Variants in LYPD6B observed in about 807,000 individuals in gnomAD.
The protein encoded by LYPD6B is ly6/PLAUR domain-containing protein 6B.
LYPD6B carries 17 observed loss-of-function variants against 22.8 expected under a neutral mutation model. That is an observed-to-expected ratio of 0.75 (90% confidence interval 0.51 to 1.12). The LOEUF is 1.12. LYPD6B is among the 50% of genes most tolerant of loss of function. The probability of loss-of-function intolerance (pLI) is 0.00; values close to 1 mark genes in which losing one functional copy is unlikely to be tolerated. For synonymous variants in LYPD6B, 106 were observed against 91.6 expected, an observed-to-expected ratio of 1.16 and a Z score of -0.90; for missense variants, 221 against 258.3, an observed-to-expected ratio of 0.86 and a Z score of 0.99.
chr2:149,211,753 A>G (rs1693867782), intron 5 of LYPD6B, among the ~76,000 whole-genome samples: 1 of 152,102 alleles, frequency 6.6e-6, no homozygotes, highest in African/African-American at 2.4e-5. Context: ...ATTCTATGAC[A>G]TTGCTGTTGT....
At chr2:149,147,922 G>GTGTGTGTGTGTA (rs987329935) in intron 2 of LYPD6B, among the ~76,000 whole-genome samples, 3 of 151,694 alleles carry the variant, frequency 2.0e-5, no homozygotes, top group African/African-American at 7.3e-5. Context: ...GTGTGTGTGT[G>GTGTGTGTGTGTA]TGTGTGTGTG....
chr2:149,214,421 G>T (rs1011461826), intron 6 of LYPD6B, 125 bp from the exon 7 acceptor site: 1 of 968,928 alleles, frequency 1.0e-6, no homozygotes, highest in Non-Finnish European at 1.5e-6. Context: ...ATGCAAAATT[G>T]GATAACCAAC....
At chr2:149,073,211 T>G (rs1157855842) in intron 1 of LYPD6B, among the ~76,000 whole-genome samples, 1 of 152,186 alleles carries the variant, frequency 6.6e-6, no homozygotes, top group Non-Finnish European at 1.5e-5. Context: ...CAGTTGTAGC[T>G]TCTCTTGCTT....
chr2:149,064,053 A>T (rs747329538), intron 1 of LYPD6B, among the ~76,000 whole-genome samples: 3 of 152,274 alleles, frequency 2.0e-5, no homozygotes, highest in Non-Finnish European at 4.4e-5. Context: ...ATATTTTTCC[A>T]TGCCCATATA....
chr2:149,126,008 T>C (rs1405922433), intron 1 of LYPD6B, among the ~76,000 whole-genome samples: 3 of 152,212 alleles, frequency 2.0e-5, no homozygotes, highest in Non-Finnish European at 2.9e-5. Flanking sequence ...ATAACTACTG[T>C]CAGTTTATAA....
chr2:149,148,757 C>T (rs1320056947), intron 2 of LYPD6B, among the ~76,000 whole-genome samples: 2 of 152,184 alleles, frequency 1.3e-5, no homozygotes, highest in African/African-American at 4.8e-5. Flanking sequence ...CAGTTTGCCT[C>T]CTCTTGTTGA....
chr2:149,139,432 A>C (rs1229233562), intron 2 of LYPD6B, among the ~76,000 whole-genome samples: 1 of 152,114 alleles, frequency 6.6e-6, no homozygotes, highest in Admixed American at 6.5e-5. Context: ...CATTAGGTTG[A>C]CACTCTTCCT....
intron 2 of LYPD6B, among the ~76,000 whole-genome samples, chr2:149,146,757 A>G (rs1372788923): frequency 6.6e-6 from 1 of 151,864 alleles, no homozygotes; most frequent in East Asian, 1.9e-4. Context: ...AAGCAACTCC[A>G]GGAGAATTCC....
At chr2:149,196,522 A>G (rs1692818907) in intron 3 of LYPD6B, among the ~76,000 whole-genome samples, 1 of 152,214 alleles carries the variant, frequency 6.6e-6, no homozygotes, top group Admixed American at 6.5e-5. Flanking sequence ...GGACAGAAGT[A>G]AAAAGACAGG....
intron 3 of LYPD6B, among the ~76,000 whole-genome samples, chr2:149,185,924 A>T (rs1431384677): frequency 6.6e-6 from 1 of 152,158 alleles, no homozygotes; most frequent in East Asian, 1.9e-4. Context: ...AAGGTGGTGA[A>T]CTTGATCCAT....
chr2:149,098,142 G>A (rs554835401), intron 1 of LYPD6B, among the ~76,000 whole-genome samples: 1 of 151,900 alleles, frequency 6.6e-6, no homozygotes, highest in South Asian at 2.1e-4. Context: ...TGTGCTCCCT[G>A]AATGATTTCA....
chr2:149,171,211 A>G (rs574418931), intron 3 of LYPD6B, among the ~76,000 whole-genome samples: 1 of 152,256 alleles, frequency 6.6e-6, no homozygotes, highest in South Asian at 2.1e-4. Flanking sequence ...TGTGTGAAAT[A>G]GGAAGGCTCA....
intron 3 of LYPD6B, among the ~76,000 whole-genome samples, chr2:149,182,361 A>G (rs1363949460): frequency 6.6e-6 from 1 of 152,210 alleles, no homozygotes; most frequent in Non-Finnish European, 1.5e-5. Flanking sequence ...CACAATACGT[A>G]CTTCGTATAG....
intron 1 of LYPD6B, among the ~76,000 whole-genome samples, chr2:149,042,989 C>G (rs1683155789): frequency 6.6e-6 from 1 of 152,076 alleles, no homozygotes; most frequent in Admixed American, 6.5e-5. Flanking sequence ...TAATGACTTA[C>G]AAAAACATGG....
intron 2 of LYPD6B, among the ~76,000 whole-genome samples, chr2:149,136,659 G>C (rs1320927175): frequency 6.6e-6 from 1 of 152,238 alleles, no homozygotes; most frequent in African/African-American, 2.4e-5. Context: ...GTTGCAGTTA[G>C]TTTAGAAGGA....
At chr2:149,110,440 T>C (rs1372016610) in intron 1 of LYPD6B, among the ~76,000 whole-genome samples, 1 of 152,204 alleles carries the variant, frequency 6.6e-6, no homozygotes. Flanking sequence ...TTCCTGTAAA[T>C]ATTCTTGAAC....
intron 1 of LYPD6B, among the ~76,000 whole-genome samples, chr2:149,129,153 C>G (rs1158925178): frequency 6.6e-6 from 1 of 152,196 alleles, no homozygotes; most frequent in East Asian, 1.9e-4. Context: ...AGGTCCTCTG[C>G]TGGTTATCTG....
At chr2:149,042,120 T>G (rs1443438021) in intron 1 of LYPD6B, among the ~76,000 whole-genome samples, 3 of 152,244 alleles carry the variant, frequency 2.0e-5, no homozygotes, top group Non-Finnish European at 4.4e-5. Context: ...GTCTTCAAAC[T>G]AACAGGCTGG....
chr2:149,132,938 G>A (rs771995874), intron 2 of LYPD6B, among the ~76,000 whole-genome samples: 2 of 152,104 alleles, frequency 1.3e-5, no homozygotes, highest in Non-Finnish European at 2.9e-5. Context: ...AACAGACCAA[G>A]AACAATTATG....
Sources: gnomAD v4.1 joint callset for allele counts (sites outside exome capture counted in the v4.1 genomes callset) on GRCh38, gnomAD v4.1.1 for gene constraint, MANE v1.5 for transcripts, NCBI Gene and HGNC (gene_info 2026-07-23, HGNC 2026-07-21) for gene names.